The following MADD variants were observed in gnomAD, a reference collection of about 807,000 sequenced individuals.
MADD encodes the protein MAP kinase-activating death domain protein.
In MADD, 109 loss-of-function variants were observed where a neutral mutation model predicts 176.7. The ratio of observed to expected loss-of-function variants is 0.62; its 90% CI spans 0.53 to 0.72. The LOEUF is 0.72. MADD is among the 30% of genes least tolerant of loss of function. MADD has a pLI of 0.00. For missense variants in MADD, 1,914 were observed against 2,045.5 expected (o/e 0.94, Z 1.24); for synonymous variants, 771 against 771.3 (o/e 1.00, Z 0.01).
rs1239899403 is a variant in MADD at position 47,324,457 on chromosome 11, C to T, written c.4436-14C>T. 15 of 1,609,030 alleles carry T rather than the reference C, an allele frequency of 9.3e-6. No homozygotes were observed. The highest frequency in any genetic ancestry group is 3.3e-5 in the Admixed American group (2 of 60,008). On this transcript the variant is annotated splice_polypyrimidine_tract_variant and intron_variant, in intron 29 of 32. Coordinates refer to ENST00000402192, the Ensembl canonical transcript of MADD. Reference sequence around the variant, plus strand: ...ACCTCACCAGTGAGCTGATAGCCCCCTCCCTCACCACAGGACCTGAATTGG... The same window carrying T: ...ACCTCACCAGTGAGCTGATAGCCCCTTCCCTCACCACAGGACCTGAATTGG...
chr11:47,273,615 C>T (rs1392890981), intron 1 of MADD, among the ~76,000 whole-genome samples: 2 of 138,778 alleles, frequency 1.4e-5, no homozygotes, highest in African/African-American at 5.1e-5. Flanking sequence ...GGATTACAGG[C>T]GTGAGCCACC....
At chr11:47,285,475 C>T in exon 14 of MADD, 1 of 1,614,198 alleles carries the variant, frequency 6.2e-7, no homozygotes, top group Non-Finnish European at 8.5e-7. Context: ...TGCGGCCCAA[C>T]AGCTTGAGAC....
chr11:47,275,986 C>T lies in MADD; in HGVS notation c.747C>T (p.Ala249=). 4 of 1,614,174 alleles carry T rather than the reference C, an allele frequency of 2.5e-6. No homozygotes were observed. In the South Asian group the frequency reaches 4.4e-5, roughly 18 times the overall value. The change falls in exon 4 of 33, where the codon GCC becomes GCT. Residue 249 remains alanine, a synonymous_variant. Coordinates refer to ENST00000402192, the Ensembl canonical transcript of MADD. ...TGCATGACCTTCGAGAGATTGAGGC[C>T]TGGATCTATCGATTGCTGCGCTCCC...
intron 26 of MADD, among the ~76,000 whole-genome samples, chr11:47,313,956 C>T (rs1173850107): frequency 1.3e-5 from 2 of 152,006 alleles, no homozygotes; most frequent in Non-Finnish European, 2.9e-5. Context: ...GATGGGGTTT[C>T]ACCACGCTGG....
chr11:47,318,532 A>T (rs535191962), intron 27 of MADD, among the ~76,000 whole-genome samples: 37 of 152,064 alleles, frequency 2.4e-4, no homozygotes, highest in African/African-American at 8.9e-4. Flanking sequence ...TTTTCCTTTT[A>T]AAAAAAATAT....
exon 9 of MADD, chr11:47,282,381 G>A: frequency 6.2e-7 from 1 of 1,613,704 alleles, no homozygotes; most frequent in Non-Finnish European, 8.5e-7. Context: ...GCTTCCCCAG[G>A]GTTGCCATGG....
At chr11:47,290,280 G>A (rs2064014678) in exon 18 of MADD, 2 of 1,614,112 alleles carry the variant, frequency 1.2e-6, no homozygotes, top group East Asian at 4.5e-5. Context: ...AGATTGCCCA[G>A]ACCCACTACT....
intron 22 of MADD, among the ~76,000 whole-genome samples, chr11:47,301,722 T>C (rs1308370370): frequency 6.6e-6 from 1 of 152,230 alleles, no homozygotes; most frequent in Non-Finnish European, 1.5e-5. Context: ...TTAATTTCCA[T>C]TTATTTGTAT....
chr11:47,292,460 G>A (rs2066150215), intron 19 of MADD, 83 bp from the exon 21 acceptor site: 1 of 1,222,016 alleles, frequency 8.2e-7, no homozygotes, highest in Non-Finnish European at 1.2e-6. Context: ...GAATCGACTT[G>A]GGTGGGTGGG....
At chr11:47,284,251 A>G in exon 11 of MADD, 1 of 1,614,140 alleles carries the variant, frequency 6.2e-7, no homozygotes, top group Non-Finnish European at 8.5e-7. Flanking sequence ...CAGTGAAATG[A>G]TGAAATGTGA....
At chr11:47,277,790 C>T (rs535959442) in intron 5 of MADD, among the ~76,000 whole-genome samples, 2 of 152,096 alleles carry the variant, frequency 1.3e-5, no homozygotes, top group Non-Finnish European at 2.9e-5. Flanking sequence ...TGGGACAGAG[C>T]GGGACAGCAT....
chr11:47,300,027 A>G (rs1250583778), intron 22 of MADD, among the ~76,000 whole-genome samples: 1 of 152,090 alleles, frequency 6.6e-6, no homozygotes, highest in Non-Finnish European at 1.5e-5. Context: ...TTTGTCATAT[A>G]TGACTTTTAT....
intron 22 of MADD, among the ~76,000 whole-genome samples, chr11:47,306,647 G>T (rs181212884): frequency 6.6e-6 from 1 of 151,950 alleles, no homozygotes; most frequent in African/African-American, 2.4e-5. Context: ...AGGGGGATGG[G>T]GGGGAGGCCT....
exon 4 of MADD, chr11:47,275,923 T>C (rs771813930): frequency 1.9e-6 from 3 of 1,611,796 alleles, no homozygotes; most frequent in Non-Finnish European, 2.5e-6. Flanking sequence ...GGATCTTTAC[T>C]GGATCGCTGC....
Position 47,276,601 on chromosome 11 carries a change from G to A in MADD, c.964-131G>A, listed in dbSNP as rs2050146142. On this transcript the variant is annotated intron_variant, in intron 4 of 32. Coordinates refer to ENST00000402192, the Ensembl canonical transcript of MADD. ...GAGGTGGCAGGCATGGTGGGGCAGG[G>A]GGCAGTGGGAGAGACAAAGCTGGAG... 2.3e-5 allele frequency: 24 copies of A among 1,060,792 alleles called. 1 individual carries two copies. The South Asian group carries it at 3.4e-4, about 15-fold the overall frequency. The allele number at this position is 1,060,792 out of a possible 1,614,324, so 65.7% of individuals were successfully genotyped here. A position where few individuals can be genotyped will look rare whatever the true frequency, so the allele number is the denominator to read the frequency against.
chr11:47,278,857 A>T, intron 6 of MADD, 142 bp from the exon 7 acceptor site: 1 of 619,448 alleles, frequency 1.6e-6, no homozygotes, highest in Non-Finnish European at 2.9e-6. Context: ...ATGTGTGTAC[A>T]TATATCTTAC....
intron 27 of MADD, among the ~76,000 whole-genome samples, chr11:47,316,745 C>T (rs962267340): frequency 3.3e-5 from 5 of 151,758 alleles, no homozygotes; most frequent in Admixed American, 6.6e-5. Flanking sequence ...TATTTTCCTC[C>T]TTTCTTTTTT....
chr11:47,282,954 A>G (rs1003323190), exon 10 of MADD: 1 of 1,613,594 alleles, frequency 6.2e-7, no homozygotes, highest in African/African-American at 1.3e-5. Context: ...TCTGACTCCG[A>G]ACCTACTGAT....
At chr11:47,270,397 C>T (rs1310320102) in intron 1 of MADD, among the ~76,000 whole-genome samples, 151 bp downstream of exon 1, 1 of 91,536 alleles carries the variant, frequency 1.1e-5, no homozygotes, top group Non-Finnish European at 2.3e-5. Flanking sequence ...GGGGGTCTGC[C>T]GAGGAGGGGC....
Sources: gnomAD v4.1 joint callset for allele counts (sites outside exome capture counted in the v4.1 genomes callset) on GRCh38, gnomAD v4.1.1 for gene constraint, MANE v1.5 for transcripts, NCBI Gene and HGNC (gene_info 2026-07-23, HGNC 2026-07-21) for gene names.